Variants in RGS9 observed in about 807,000 individuals in gnomAD.
The protein encoded by RGS9 is regulator of G-protein signalling 9.
A neutral mutation model predicts 102.0 loss-of-function variants in RGS9; 78 were observed. That is an observed-to-expected ratio of 0.76 (90% confidence interval 0.64 to 0.92). The LOEUF is 0.92. RGS9 is among the 40% of genes least tolerant of loss of function. The pLI, the probability that RGS9 is intolerant of heterozygous loss-of-function variation, is 0.00. For synonymous variants in RGS9, 353 were observed against 318.6 expected, an observed-to-expected ratio of 1.11 and a Z score of -1.15; for missense variants, 833 against 866.1, an observed-to-expected ratio of 0.96 and a Z score of 0.48.
chr17:65,220,617 T>C (rs567786683), intron 17 of RGS9, among the ~76,000 whole-genome samples: 1 of 152,314 alleles, frequency 6.6e-6, no homozygotes, highest in East Asian at 1.9e-4. Flanking sequence ...AAGAGGGGAC[T>C]TTGCACACTG....
rs542860530 is a variant in RGS9, at chr17:65,173,171, C to G, written c.583-4561C>G. ...ACTCCTGACCTCATGATCTGCCGGC[C>G]TCAGGCTTTCAAAGTGCTGGGATTA... On this transcript the variant is annotated intron_variant, in intron 8 of 18. Coordinates refer to ENST00000262406, the MANE Select transcript of RGS9 (RefSeq NM_003835.4). This position sits in a 1 kb window ranked among gnomAD's most constrained non-coding sequence, Gnocchi z 4.8. Among the ~76,000 whole-genome samples, 1 of 152,246 alleles carries G rather than the reference C, an allele frequency of 6.6e-6. No homozygotes were observed. Among genetic ancestry groups the G allele is most frequent in the South Asian group, 2.1e-4 (1 of 4,822 alleles).
At position 65,163,081 on chromosome 17, in the gene RGS9, G is replaced by T. The variant is rs529729193; in HGVS notation, c.492G>T (p.Glu164Asp). The T allele has an allele frequency of 6.3e-7, 1 of 1,592,850 alleles. No homozygotes were observed. Among genetic ancestry groups the T allele is most frequent in the African/African-American group, 1.4e-5 (1 of 73,956 alleles). Residue 164 changes from glutamate to aspartate, a missense_variant, in exon 7 of 19, where the codon GAG becomes GAT. By Grantham distance (45) the Glu-to-Asp change is conservative. Around this residue, in one of 3 missense-constraint regions of RGS9, gnomAD observed 328 missense variants for 340.6 expected, o/e 0.96. Coordinates refer to ENST00000262406, the MANE Select transcript of RGS9 (RefSeq NM_003835.4). The stretch of plus-strand genomic sequence containing the variant: ...ACTTTGTCATTATGCAGGCCAAAGA[G>T]CAGTACAGGTGAGTGAAAGGAGACC... ...KWDFVIMQAK[E>D]QYRAGKERNK...
chr17:65,140,594 G>A (rs1419364499), intron 1 of RGS9, among the ~76,000 whole-genome samples: 3 of 152,294 alleles, frequency 2.0e-5, no homozygotes, highest in African/African-American at 7.2e-5. Context: ...TCACTGGTGG[G>A]CCAGTTGCAG....
intron 17 of RGS9, among the ~76,000 whole-genome samples, chr17:65,220,526 C>T (rs1913668642): frequency 6.6e-6 from 1 of 152,104 alleles, no homozygotes; most frequent in Admixed American, 6.5e-5. Context: ...TGTGTTCACC[C>T]ATGGCAGAGT....
At chr17:65,195,582 C>T (rs1408602985) in intron 12 of RGS9, among the ~76,000 whole-genome samples, 1 of 152,156 alleles carries the variant, frequency 6.6e-6, no homozygotes, top group Non-Finnish European at 1.5e-5. Flanking sequence ...CACCCCTTTC[C>T]CCTGAGTCCC....
At chr17:65,152,242 C>T (rs1455689840) in intron 1 of RGS9, among the ~76,000 whole-genome samples, 2 of 152,114 alleles carry the variant, frequency 1.3e-5, no homozygotes, top group South Asian at 2.1e-4. Context: ...ATGGGACCCG[C>T]CCAAGGCTGG....
In RGS9 at chr17:65,221,403, T is replaced by A. The variant is rs182429912; in HGVS notation, c.1408-3599T>A. Reference sequence around the variant, plus strand: ...AAGTTTATCACAAATTCTGAGGAAGTGGAATGGAAGTTAATTCTGTATCTC... The same window carrying A: ...AAGTTTATCACAAATTCTGAGGAAGAGGAATGGAAGTTAATTCTGTATCTC... On this transcript the variant is annotated intron_variant, in intron 17 of 18. Transcript: ENST00000262406. Among the ~76,000 whole-genome samples the A allele has an allele frequency of 2.0e-5, 3 of 152,310 alleles. No individual in the cohort carries two copies. In the East Asian group the frequency reaches 5.8e-4, roughly 29 times the overall value.
chr17:65,169,998 T>C (rs889094454), intron 8 of RGS9, among the ~76,000 whole-genome samples: 1 of 151,486 alleles, frequency 6.6e-6, no homozygotes, highest in African/African-American at 2.4e-5. Flanking sequence ...ACAGTAGACA[T>C]GAACTGAGAA....
intron 9 of RGS9, chr17:65,185,230 AT>A (rs1395713012): frequency 1.3e-5 from 2 of 152,338 alleles, no homozygotes; most frequent in African/African-American, 4.8e-5. Context: ...TATTGTACAA[AT>A]TGAATTATCA....
At chr17:65,221,989 T>C (rs913053828) in intron 17 of RGS9, among the ~76,000 whole-genome samples, 2 of 152,206 alleles carry the variant, frequency 1.3e-5, no homozygotes, top group African/African-American at 2.4e-5. Context: ...CGCAGCTGGG[T>C]TCTCAGCTCA....
chr17:65,152,676 A>C (rs1445642310), intron 1 of RGS9, among the ~76,000 whole-genome samples: 1 of 152,174 alleles, frequency 6.6e-6, no homozygotes, highest in Admixed American at 6.5e-5. Flanking sequence ...AACTACAGGC[A>C]TGTACCACCA....
At chr17:65,197,414 C>T (rs548062105) in intron 13 of RGS9, among the ~76,000 whole-genome samples, 173 bp downstream of exon 13, 5 of 152,270 alleles carry the variant, frequency 3.3e-5, no homozygotes, top group South Asian at 4.1e-4. Flanking sequence ...GCCCAAGACT[C>T]GTTCTTTCCA....
chr17:65,208,065 G>A, intron 16 of RGS9, 58 bp downstream of exon 16: 1 of 1,217,850 alleles, frequency 8.2e-7, no homozygotes, highest in Non-Finnish European at 1.2e-6. Context: ...AGAGAAGTGA[G>A]GGTCTCTTTC....
At chr17:65,170,086 G>T (rs1415773638) in intron 8 of RGS9, among the ~76,000 whole-genome samples, 3 of 125,428 alleles carry the variant, frequency 2.4e-5, no homozygotes, top group African/African-American at 9.3e-5. Flanking sequence ...ATGGAGCCTT[G>T]CTCTGTCACC....
At chr17:65,152,102 G>A (rs1014986273) in intron 1 of RGS9, among the ~76,000 whole-genome samples, 1 of 152,210 alleles carries the variant, frequency 6.6e-6, no homozygotes, top group Non-Finnish European at 1.5e-5. Flanking sequence ...GCCAAGGGTG[G>A]AGTTCAGGGT....
chr17:65,224,954 T>G lies in RGS9; in HGVS notation c.1408-48T>G, dbSNP rs776189892. On this transcript the variant is annotated intron_variant, in intron 17 of 18. Coordinates refer to ENST00000262406, the MANE Select transcript of RGS9 (RefSeq NM_003835.4). ...AGGACAGCCCAGGGGCCCTGCTGGC[T>G]GGGGCCATGCAACTCACCACTGAGC... 6 of 1,609,694 alleles carry G rather than the reference T, an allele frequency of 3.7e-6. No individual in the cohort carries two copies. In the East Asian group the frequency reaches 1.3e-4, roughly 36 times the overall value.
At chr17:65,211,252 T>C (rs1913286280) in intron 17 of RGS9, among the ~76,000 whole-genome samples, 1 of 152,224 alleles carries the variant, frequency 6.6e-6, no homozygotes, top group South Asian at 2.1e-4. Context: ...TCCCCTGCTA[T>C]GCCTGCCTGG....
chr17:65,225,300 G>A lies in RGS9; in HGVS notation c.1706G>A (p.Arg569Gln), dbSNP rs190284951. The A allele has an allele frequency of 1.3e-4, 204 of 1,609,072 alleles. No homozygotes were observed. In the Admixed American group the frequency reaches 2.7e-3, roughly 21 times the overall value. ...ASLDTSWPRS[R>Q]PRAPPKARMA... ...CTCGACACCTCCTGGCCTCGCAGCC[G>A]GCCCAGGGCCCCTCCTAAGGCCCGC... The change falls in exon 18 of 19, where the codon CGG becomes CAG. Residue 569 changes from arginine to glutamine, a missense_variant. Arg to Gln is a conservative substitution (Grantham distance 43). Coordinates refer to ENST00000262406, the MANE Select transcript of RGS9 (RefSeq NM_003835.4).
At chr17:65,153,243 A>G (rs16960673) in intron 1 of RGS9, among the ~76,000 whole-genome samples, 179 bp from the exon 2 acceptor site, 1 of 152,132 alleles carries the variant, frequency 6.6e-6, no homozygotes, top group Non-Finnish European at 1.5e-5. Flanking sequence ...GTGTCTGTGG[A>G]GCACACCTTA....
Sources: gnomAD v4.1 joint callset for allele counts (sites outside exome capture counted in the v4.1 genomes callset) on GRCh38, gnomAD v4.1.1 for gene constraint, gnomAD v4.1.1 regional missense constraint, Gnocchi (gnomAD v3.1) non-coding constraint, MANE v1.5 for transcripts, NCBI Gene and HGNC (gene_info 2026-07-23, HGNC 2026-07-21) for gene names.